SUSD6: variants seen among roughly 807,000 people sequenced by gnomAD.
The protein encoded by SUSD6 is sushi domain containing 6.
In SUSD6, 16 loss-of-function variants were observed where a neutral mutation model predicts 28.4. That is an observed-to-expected ratio of 0.56 (90% CI 0.38 to 0.86). The LOEUF is 0.86. Among genes scored for constraint, SUSD6 ranks in the 40% least tolerant of loss-of-function variants. The probability of loss-of-function intolerance (pLI) is 0.00; values close to 1 mark genes in which losing one functional copy is unlikely to be tolerated. For missense variants in SUSD6, 341 were observed against 384.2 expected (o/e 0.89, Z 0.94); for synonymous variants, 147 against 159.6 (o/e 0.92, Z 0.59).
intron 1 of SUSD6, among the ~76,000 whole-genome samples, chr14:69,654,704 T>C (rs915939670): frequency 6.6e-6 from 1 of 151,890 alleles, no homozygotes; most frequent in African/African-American, 2.4e-5. Flanking sequence ...CAGTTAAAAA[T>C]TTTTTTTCTC....
At chr14:69,635,359 G>T (rs1407097947) in intron 1 of SUSD6, among the ~76,000 whole-genome samples, 1 of 152,146 alleles carries the variant, frequency 6.6e-6, no homozygotes, top group Non-Finnish European at 1.5e-5. Flanking sequence ...TAGTTCCTCT[G>T]GAACTCATAG....
At chr14:69,614,362 C>G (rs1270770647) in intron 1 of SUSD6, among the ~76,000 whole-genome samples, 3 of 152,280 alleles carry the variant, frequency 2.0e-5, no homozygotes, top group East Asian at 1.9e-4. Context: ...CCACCGTGCC[C>G]GGCCTGAACT....
chr14:69,645,183 T>C (rs1373822700), intron 1 of SUSD6, among the ~76,000 whole-genome samples: 8 of 152,148 alleles, frequency 5.3e-5, no homozygotes, highest in Non-Finnish European at 1.2e-4. Context: ...GTGCACCTCA[T>C]TGGGGCTGTT....
chr14:69,670,435 G>T (rs1196070361), intron 2 of SUSD6: 5 of 456,558 alleles, frequency 1.1e-5, no homozygotes, highest in African/African-American at 2.0e-5. Context: ...CTCATTAGGG[G>T]GTCTCCTGAC....
chr14:69,612,350 C>G (rs907229977), intron 1 of SUSD6, among the ~76,000 whole-genome samples: 2 of 152,206 alleles, frequency 1.3e-5, no homozygotes, highest in African/African-American at 4.8e-5. Context: ...TTCGGGAGCC[C>G]CCGCGCCTCG....
chr14:69,700,681 T>A (rs1296196338), intron 2 of SUSD6, among the ~76,000 whole-genome samples: 1 of 152,236 alleles, frequency 6.6e-6, no homozygotes, highest in African/African-American at 2.4e-5. Context: ...GATCCTTTCC[T>A]AGGCTCCCCT....
chr14:69,667,370 C>CTTTT (rs10611584), intron 2 of SUSD6, among the ~76,000 whole-genome samples: 1 of 73,312 alleles, frequency 1.4e-5, no homozygotes, highest in Non-Finnish European at 2.6e-5. Flanking sequence ...CTCACAGTTT[C>CTTTT]TTTTTTTTTT....
Position 69,708,901 on chromosome 14 carries a change from G to A in SUSD6, c.683G>A (p.Gly228Glu). Residue 228 changes from glycine (G) to glutamate (E), a missense_variant, in exon 5 of 6, where the codon GGA (glycine) becomes GAA (glutamate). Physicochemically the swap from Gly to Glu is moderately conservative, Grantham distance 98. Transcript: ENST00000342745. ...PDQGACSSAG[G>E]EDEAPGQSGL... The stretch of plus-strand genomic sequence containing the variant: ...CAAGGGGCCTGCTCCTCTGCAGGTG[G>A]AGAAGATGAGGCCCCAGGCCAGTCT... 6.2e-7 allele frequency: 1 copy of A among 1,614,182 alleles called. No homozygotes were observed. The highest frequency in any genetic ancestry group is 1.1e-5 in the South Asian group (1 of 91,086).
chr14:69,701,765 C>A (rs1186745355), intron 2 of SUSD6, among the ~76,000 whole-genome samples: 1 of 152,090 alleles, frequency 6.6e-6, no homozygotes, highest in Non-Finnish European at 1.5e-5. Flanking sequence ...TCTCTGGATC[C>A]CTGTGGCACC....
intron 1 of SUSD6, among the ~76,000 whole-genome samples, chr14:69,630,691 A>AGG (rs1885180754): frequency 6.6e-6 from 1 of 152,044 alleles, no homozygotes. Flanking sequence ...AAAAAAAAGA[A>AGG]AAAAACCTCT....
chr14:69,696,019 C>T (rs1886219876), intron 2 of SUSD6, among the ~76,000 whole-genome samples: 2 of 152,190 alleles, frequency 1.3e-5, no homozygotes, highest in Admixed American at 1.3e-4. Flanking sequence ...GGGTATAACT[C>T]TTTCTTTTAT....
At chr14:69,620,360 G>A (rs1885019562) in intron 1 of SUSD6, among the ~76,000 whole-genome samples, 1 of 152,188 alleles carries the variant, frequency 6.6e-6, no homozygotes, top group Non-Finnish European at 1.5e-5. Context: ...ACTGGTGGGA[G>A]GCTGGTAGGT....
intron 2 of SUSD6, among the ~76,000 whole-genome samples, chr14:69,671,407 C>T (rs1034759133): frequency 6.6e-6 from 1 of 152,278 alleles, no homozygotes; most frequent in East Asian, 1.9e-4. Context: ...GGGAAGAGGT[C>T]ACTCAGGACA....
chr14:69,636,188 C>G (rs75765401), intron 1 of SUSD6, among the ~76,000 whole-genome samples: 79 of 152,342 alleles, frequency 5.2e-4, no homozygotes, highest in African/African-American at 1.9e-3. Flanking sequence ...TTCCACTCTG[C>G]ACACACTCTT....
chr14:69,683,035 G>A (rs535795128), intron 2 of SUSD6, among the ~76,000 whole-genome samples: 9 of 122,954 alleles, frequency 7.3e-5, no homozygotes, highest in South Asian at 5.5e-4. Flanking sequence ...AAAATATACT[G>A]TACCTCCTGT....
intron 2 of SUSD6, among the ~76,000 whole-genome samples, chr14:69,675,120 T>C (rs1277689555): frequency 4.6e-5 from 7 of 151,954 alleles, no homozygotes; most frequent in Admixed American, 1.3e-4. Flanking sequence ...GGTTTGAAGA[T>C]GGTTTTAATG....
rs1246677549 is a variant in SUSD6, at chr14:69,713,641, G to C, written c.*2662G>C. Reference sequence around the variant, plus strand: ...CTGAGAGACAAGGGTAGCAGCAGGTGGCAGGCTGTTAAAAGACAGGCTGCC... The same window carrying C: ...CTGAGAGACAAGGGTAGCAGCAGGTCGCAGGCTGTTAAAAGACAGGCTGCC... On this transcript the variant is annotated 3_prime_UTR_variant, in exon 6 of 6. Transcript: ENST00000342745. 6.6e-6 allele frequency: 1 copy of C among 152,252 alleles called. No individual in the cohort carries two copies. The highest frequency in any genetic ancestry group is 1.5e-5 in the Non-Finnish European group (1 of 68,124). The allele number at this position is 152,252 out of a possible 1,614,324, so 9.4% of individuals were successfully genotyped here. A position where few individuals can be genotyped will look rare whatever the true frequency, so the allele number is the denominator to read the frequency against.
chr14:69,658,493 T>A lies in SUSD6; in HGVS notation c.-80-20T>A, dbSNP rs183138271. The A allele has an allele frequency of 1.9e-5, 24 of 1,282,310 alleles. 1 individual carries two copies. The Admixed American group carries it at 4.2e-4, about 22-fold the overall frequency. The allele number at this position is 1,282,310 out of a possible 1,614,324, so 79.4% of individuals were successfully genotyped here. On this transcript the variant is annotated intron_variant, in intron 1 of 5. Coordinates refer to ENST00000342745, the MANE Select transcript of SUSD6 (RefSeq NM_014734.4). Reference sequence around the variant, plus strand: ...TTATGGCTGAAGTTTTCACTTTATGTCCTTGTTTGTTTGTTACAGGTGAAT... The same window carrying A: ...TTATGGCTGAAGTTTTCACTTTATGACCTTGTTTGTTTGTTACAGGTGAAT...
intron 2 of SUSD6, among the ~76,000 whole-genome samples, chr14:69,659,509 G>T (rs1415190157): frequency 7.0e-6 from 1 of 143,712 alleles, no homozygotes; most frequent in Non-Finnish European, 1.5e-5. Flanking sequence ...GAGCCTTTTT[G>T]TTTGTTTGTT....
Sources: gnomAD v4.1 joint callset for allele counts (sites outside exome capture counted in the v4.1 genomes callset) on GRCh38, gnomAD v4.1.1 for gene constraint, MANE v1.5 for transcripts, NCBI Gene and HGNC (gene_info 2026-07-23, HGNC 2026-07-21) for gene names.